Variants in TMEM63B observed in about 807,000 individuals in gnomAD.
TMEM63B encodes the protein transmembrane protein 63B.
Under a neutral mutation model 102.6 loss-of-function variants are expected in TMEM63B, and 23 were observed. That is an observed-to-expected ratio of 0.22 (90% CI 0.16 to 0.32). TMEM63B has a LOEUF of 0.32. Ranked by LOEUF, TMEM63B falls within the 10% of genes least tolerant of loss-of-function variation. The probability of loss-of-function intolerance (pLI) is 1.00; values close to 1 mark genes in which losing one functional copy is unlikely to be tolerated. For missense variants in TMEM63B, 628 were observed against 1,095.9 expected (o/e 0.57, Z 6.03); for synonymous variants, 444 against 437.0 (o/e 1.02, Z -0.20).
chr6:44,153,328 A>G (rs1370566967), intron 20 of TMEM63B, among the ~76,000 whole-genome samples: 1 of 152,134 alleles, frequency 6.6e-6, no homozygotes, highest in Non-Finnish European at 1.5e-5. Context: ...GAAACTCCCT[A>G]TCCCTCAGCC....
intron 10 of TMEM63B, among the ~76,000 whole-genome samples, chr6:44,142,557 CAG>C (rs1173001865): frequency 6.6e-6 from 1 of 152,034 alleles, no homozygotes; most frequent in Admixed American, 6.6e-5. Context: ...ATTGAGTTCT[CAG>C]GGGGTTCATA....
chr6:44,152,007 G>C lies in TMEM63B; in HGVS notation c.1835G>C (p.Arg612Pro). 1 of 1,602,674 alleles carries C rather than the reference G, an allele frequency of 6.2e-7. No homozygotes were observed. Among genetic ancestry groups the C allele is most frequent in the Non-Finnish European group, 8.5e-7 (1 of 1,175,418 alleles). ...GCCGCCGAGAGGCGCAACGTGAAGC[G>C]GGTACGGCCGCCTGGGGCAGCAGCG... Reference protein sequence around the residue: ...RSAAERRNVKRHQAYEFQFGA... With the variant: ...RSAAERRNVKPHQAYEFQFGA... The change falls in exon 19 of 24, where the codon CGG (arginine) becomes CCG (proline). Residue 612 changes from arginine (R) to proline (P), a missense_variant and splice_region_variant. This residue lies in a region of TMEM63B where 90 missense variants were observed against 136.7 expected (regional missense o/e 0.66). Transcript: ENST00000323267. This position sits in a 1 kb window ranked among gnomAD's most constrained non-coding sequence, Gnocchi z 6.4.
At chr6:44,137,919 C>T (rs749704945) in intron 5 of TMEM63B, among the ~76,000 whole-genome samples, 8 of 152,092 alleles carry the variant, frequency 5.3e-5, no homozygotes, top group Non-Finnish European at 1.0e-4. Flanking sequence ...AGGCTGATCT[C>T]GAACTCCTGA....
chr6:44,147,751 A>G (rs569336784), intron 12 of TMEM63B, among the ~76,000 whole-genome samples: 1 of 152,276 alleles, frequency 6.6e-6, no homozygotes, highest in Non-Finnish European at 1.5e-5. Context: ...CTTACTGCTC[A>G]GTGCCTCAGT....
chr6:44,132,747 C>T (rs1473437375), intron 1 of TMEM63B, among the ~76,000 whole-genome samples: 1 of 152,216 alleles, frequency 6.6e-6, no homozygotes, highest in Admixed American at 6.5e-5. Context: ...CAGGTCCACA[C>T]ATCAACACAC....
Position 44,138,466 on chromosome 6 carries a change from C to G in TMEM63B, c.370-14C>G. 1 of 1,614,004 alleles carries G rather than the reference C, an allele frequency of 6.2e-7. No homozygotes were observed. The highest frequency in any genetic ancestry group is 8.5e-7 in the Non-Finnish European group (1 of 1,179,984). On this transcript the variant is annotated splice_polypyrimidine_tract_variant and intron_variant, in intron 5 of 23. Transcript: ENST00000323267. ...GGGCTGGGGACTCCCGCTGACAGCC[C>G]TCTGTTCCCCCAGGGTTTCTGTTCC...
intron 21 of TMEM63B, 54 bp from the exon 22 acceptor site, chr6:44,154,019 G>A: frequency 6.3e-7 from 1 of 1,584,994 alleles, no homozygotes; most frequent in Non-Finnish European, 8.7e-7. Context: ...TCAGAAGCTG[G>A]GGTGGGGAGG....
chr6:44,132,700 G>A (rs746673549), intron 1 of TMEM63B, among the ~76,000 whole-genome samples: 9 of 147,670 alleles, frequency 6.1e-5, no homozygotes, highest in African/African-American at 1.8e-4. Flanking sequence ...CTTCATTTCC[G>A]TGGACTGCCA....
chr6:44,149,794 C>T, intron 15 of TMEM63B, 65 bp from the exon 16 acceptor site: 2 of 1,358,514 alleles, frequency 1.5e-6, no homozygotes, highest in South Asian at 2.6e-5. Context: ...GGAGGAGGCA[C>T]ATAAGCAAAG....
At position 44,148,843 on chromosome 6, in the gene TMEM63B, C is replaced by T. The variant is rs923722233; in HGVS notation, c.1311C>T (p.Ile437=). The T allele has an allele frequency of 3.1e-6, 5 of 1,614,144 alleles. No homozygotes were observed. The highest frequency in any genetic ancestry group is 4.2e-6 in the Non-Finnish European group (5 of 1,180,028). ...GFIWWLRCLV[I]NVVLFILLFF... is the part of the protein sequence containing the mutation. ...TCTGGTGGCTGCGCTGCCTGGTCAT[C>T]AATGTCGTCCTCTTCATCCTCCTCT... Residue 437 remains isoleucine (I), a synonymous_variant, in exon 15 of 24, where the codon ATC becomes ATT. Coordinates refer to ENST00000323267, the MANE Select transcript of TMEM63B (RefSeq NM_018426.3). The surrounding 1 kb of genome is among the most constrained non-coding windows in gnomAD (Gnocchi z 5.1).
chr6:44,143,442 G>A (rs905999052), intron 10 of TMEM63B, among the ~76,000 whole-genome samples: 2 of 152,052 alleles, frequency 1.3e-5, no homozygotes, highest in Non-Finnish European at 2.9e-5. Flanking sequence ...AGGACAGTGT[G>A]TACTCAGAAT....
chr6:44,153,993 C>A, intron 21 of TMEM63B, 80 bp from the exon 22 acceptor site: 1 of 1,560,232 alleles, frequency 6.4e-7, no homozygotes, highest in Non-Finnish European at 8.8e-7. Flanking sequence ...AGAGTGAGGA[C>A]TGCATTCAGA....
rs1282939917 is a variant in TMEM63B, at chr6:44,155,382, G to A, written c.*499G>A. ...GGGTGCTGAGTGGGAGGAAGAGTCA[G>A]GCTCACAGCTGGGGTGGCCTGGGGG... On this transcript the variant is annotated 3_prime_UTR_variant, in exon 24 of 24. Transcript: ENST00000323267. The A allele has an allele frequency of 6.6e-6, 1 of 152,162 alleles. No individual in the cohort carries two copies. The highest frequency in any genetic ancestry group is 2.4e-5 in the African/African-American group (1 of 41,382). The allele number at this position is 152,162 out of a possible 1,614,324, so 9.4% of individuals were successfully genotyped here. A position where few individuals can be genotyped will look rare whatever the true frequency, so the allele number is the denominator to read the frequency against.
chr6:44,144,646 C>T (rs1764973060), intron 10 of TMEM63B, among the ~76,000 whole-genome samples: 2 of 151,782 alleles, frequency 1.3e-5, no homozygotes, highest in South Asian at 4.2e-4. Flanking sequence ...TGGAGTGCTG[C>T]AATACAGGGG....
chr6:44,152,769 A>T lies in TMEM63B; in HGVS notation c.1942+71A>T. ...AGGACTTCACCCTCTCCACTCTAGG[A>T]ATGCAGGCCACCCCGAGTGGACAGG... On this transcript the variant is annotated intron_variant, in intron 20 of 23. Transcript: ENST00000323267. The surrounding 1 kb of genome is among the most constrained non-coding windows in gnomAD (Gnocchi z 6.4). 7.6e-7 allele frequency: 1 copy of T among 1,310,562 alleles called. No homozygotes were observed. The highest frequency in any genetic ancestry group is 1.1e-6 in the Non-Finnish European group (1 of 925,142). The allele number at this position is 1,310,562 out of a possible 1,614,324, so 81.2% of individuals were successfully genotyped here. A position where few individuals can be genotyped will look rare whatever the true frequency, so the allele number is the denominator to read the frequency against.
At chr6:44,149,120 C>T in intron 15 of TMEM63B, 175 bp downstream of exon 15, 2 of 933,208 alleles carry the variant, frequency 2.1e-6, no homozygotes, top group Non-Finnish European at 3.3e-6. Flanking sequence ...GCCACCTTCC[C>T]CCTGAGAGAG....
chr6:44,149,615 A>G (rs1035235062), intron 15 of TMEM63B, among the ~76,000 whole-genome samples: 5 of 152,194 alleles, frequency 3.3e-5, no homozygotes, highest in African/African-American at 7.2e-5. Flanking sequence ...TGGCAAGTAC[A>G]TCAGCACTGC....
chr6:44,151,877 T>C lies in TMEM63B; in HGVS notation c.1705T>C (p.Phe569Leu). Residue 569 changes from phenylalanine (F) to leucine (L), a missense_variant, in exon 19 of 24, where the codon TTC becomes CTC. Coordinates refer to ENST00000323267, the MANE Select transcript of TMEM63B (RefSeq NM_018426.3). Reference sequence around the variant, plus strand: ...GTTCCTGCCCGACAACGGCGCCTTCTTCGTGAACTACGTCATTGCCTCAGC... The same window carrying C: ...GTTCCTGCCCGACAACGGCGCCTTCCTCGTGAACTACGTCATTGCCTCAGC... ...CVFLPDNGAF[F>L]VNYVIASAFI... 6.2e-7 allele frequency: 1 copy of C among 1,613,012 alleles called. No individual in the cohort carries two copies. Among genetic ancestry groups the C allele is most frequent in the Non-Finnish European group, 8.5e-7 (1 of 1,179,538 alleles).
chr6:44,127,186 A>ACCCCCCCCCCCCCGTCGGGC (rs74487768), upstream of TMEM63B: 1 of 111,414 alleles, frequency 9.0e-6, no homozygotes, highest in Admixed American at 8.1e-5. Context: ...CCCCGTCGGG[A>ACCCCCCCCCCCCCGTCGGGC]CCCCCCCCTC....
Sources: allele counts gnomAD v4.1 joint callset (sites outside exome capture counted in the v4.1 genomes callset), GRCh38; gene constraint gnomAD v4.1.1; regional missense constraint gnomAD v4.1.1; non-coding constraint Gnocchi (gnomAD v3.1); transcripts MANE v1.5; gene names NCBI Gene and HGNC (gene_info 2026-07-23, HGNC 2026-07-21).